Variants in ZC3H13 observed in about 807,000 individuals in gnomAD.
ZC3H13 encodes the protein zinc finger CCCH domain-containing protein 13.
A neutral mutation model predicts 204.1 loss-of-function variants in ZC3H13; 64 were observed. That is an observed-to-expected ratio of 0.31 (90% CI 0.26 to 0.39). The LOEUF (loss-of-function observed/expected upper bound fraction) is 0.39, where lower values mean the gene tolerates loss of function less well. Among genes scored for constraint, ZC3H13 ranks in the 10% least tolerant of loss-of-function variants. ZC3H13 has a pLI of 1.00. For missense variants in ZC3H13, 1,833 were observed against 2,082.7 expected (o/e 0.88, Z 2.33); for synonymous variants, 667 against 693.7 (o/e 0.96, Z 0.60).
intron 5 of ZC3H13, among the ~76,000 whole-genome samples, chr13:46,013,539 A>T (rs2041715915): frequency 6.6e-6 from 1 of 152,130 alleles, no homozygotes; most frequent in Non-Finnish European, 1.5e-5. Flanking sequence ...TATAATAAAA[A>T]CTCAGATATT....
At chr13:46,012,529 C>T (rs1046390528) in intron 5 of ZC3H13, among the ~76,000 whole-genome samples, 3 of 152,140 alleles carry the variant, frequency 2.0e-5, no homozygotes, top group Non-Finnish European at 2.9e-5. Context: ...ATGAACATCA[C>T]TGTTATATAT....
Position 45,963,910 on chromosome 13 carries a change from T to A in ZC3H13, c.4607A>T (p.Lys1536Met), listed in dbSNP as rs772643298. ...AVMLRVGISK[K>M]LAGSELFAKV... ...GGCAAAGAGTTCAGAACCTGCCAACTTTTTAGAAATCCCAACTCTTAGCAT... is the reference window on the plus strand; with the variant it reads ...GGCAAAGAGTTCAGAACCTGCCAACATTTTAGAAATCCCAACTCTTAGCAT... Residue 1536 changes from lysine to methionine, a missense_variant, in exon 17 of 19, where the codon AAG (lysine) becomes ATG (methionine). Physicochemically the swap from Lys to Met is moderately conservative, Grantham distance 95. Transcript: ENST00000679008. 3.1e-6 allele frequency: 5 copies of A among 1,614,126 alleles called. No individual in the cohort carries two copies. The highest frequency in any genetic ancestry group is 4.2e-6 in the Non-Finnish European group (5 of 1,179,998).
chr13:46,046,629 C>T (rs2043985076), intron 1 of ZC3H13, among the ~76,000 whole-genome samples: 2 of 151,260 alleles, frequency 1.3e-5, no homozygotes, highest in African/African-American at 4.9e-5. Flanking sequence ...GATCACACCA[C>T]CGCACTCCAG....
chr13:45,979,568 C>T (rs1407964418), intron 11 of ZC3H13, among the ~76,000 whole-genome samples: 1 of 152,086 alleles, frequency 6.6e-6, no homozygotes, highest in Non-Finnish European at 1.5e-5. Context: ...AGATGAGAAA[C>T]ACACAGTAGG....
At chr13:46,039,477 A>G (rs2043424813) in intron 4 of ZC3H13, among the ~76,000 whole-genome samples, 1 of 152,268 alleles carries the variant, frequency 6.6e-6, no homozygotes, top group Non-Finnish European at 1.5e-5. Context: ...CAACATGGAC[A>G]GCCTGCATTT....
rs1420333136 is a variant in ZC3H13 at position 45,955,492 on chromosome 13, G to T, written c.*1635C>A. 1 of 152,122 alleles carries T rather than the reference G, an allele frequency of 6.6e-6. No individual in the cohort carries two copies. Among genetic ancestry groups the T allele is most frequent in the African/African-American group, 2.4e-5 (1 of 41,420 alleles). 9.4% of individuals were successfully genotyped at this position (152,122 alleles called of 1,614,324 possible). A position where few individuals can be genotyped will look rare whatever the true frequency, so the allele number is the denominator to read the frequency against. ...TTTTCATTCTATAAATAAATAACTT[G>T]TGAAATATCCCTGAAGTCAGTGGAC... On this transcript the variant is annotated 3_prime_UTR_variant, in exon 19 of 19. Coordinates refer to ENST00000679008, the MANE Select transcript of ZC3H13 (RefSeq NM_001330564.2).
At chr13:45,999,315 A>T (rs1028355597) in intron 8 of ZC3H13, among the ~76,000 whole-genome samples, 2 of 152,298 alleles carry the variant, frequency 1.3e-5, no homozygotes, top group South Asian at 2.1e-4. Flanking sequence ...ACACATACAC[A>T]AAAAACAAAC....
chr13:45,981,313 C>T (rs1216473983), intron 10 of ZC3H13, among the ~76,000 whole-genome samples: 1 of 152,158 alleles, frequency 6.6e-6, no homozygotes, highest in Admixed American at 6.5e-5. Context: ...AGGACATGAA[C>T]TCATCATTTT....
Position 45,985,630 on chromosome 13 carries a change from C to T in ZC3H13, c.1387G>A (p.Asp463Asn). 6.2e-7 allele frequency: 1 copy of T among 1,613,948 alleles called. No homozygotes were observed. Among genetic ancestry groups the T allele is most frequent in the Non-Finnish European group, 8.5e-7 (1 of 1,179,990 alleles). ...CTTAGTTCCCTTCGGTCCCTAGTAT[C>T]TCTGGCATCTCTCCGATCCCGACCA... ...RDGRDRRDAR[D>N]TRDRRELRDS... Residue 463 changes from aspartate (D) to asparagine (N), a missense_variant, in exon 10 of 19, where the codon GAT (aspartate) becomes AAT (asparagine). Physicochemically the swap from Asp to Asn is conservative, Grantham distance 23 (BLOSUM62 1). Coordinates refer to ENST00000679008, the MANE Select transcript of ZC3H13 (RefSeq NM_001330564.2).
intron 8 of ZC3H13, among the ~76,000 whole-genome samples, chr13:45,997,797 T>C (rs977878443): frequency 6.6e-6 from 1 of 151,826 alleles, no homozygotes; most frequent in African/African-American, 2.4e-5. Context: ...ACCGCTTATA[T>C]CCAGTAAGCC....
chr13:46,037,560 T>C (rs7328081), intron 4 of ZC3H13, among the ~76,000 whole-genome samples: 113,704 of 152,158 alleles, frequency 0.75, 42,923 homozygotes, highest in African/African-American at 0.85. Flanking sequence ...CTCTGCAATA[T>C]AAAATGAAAA....
chr13:46,029,521 C>A (rs561852110), intron 4 of ZC3H13, among the ~76,000 whole-genome samples: 11 of 150,788 alleles, frequency 7.3e-5, no homozygotes, highest in Admixed American at 6.6e-4. Flanking sequence ...CTCCGCCTCC[C>A]GGGTTCACGC....
At chr13:46,034,791 C>T (rs2043110827) in intron 4 of ZC3H13, among the ~76,000 whole-genome samples, 6 of 151,812 alleles carry the variant, frequency 4.0e-5, no homozygotes. Flanking sequence ...CAAAGATCAC[C>T]CACAAGCTAA....
At chr13:46,045,085 T>C (rs759819457) in intron 2 of ZC3H13, 21 bp from the exon 3 acceptor site, 6 of 1,559,236 alleles carry the variant, frequency 3.8e-6, no homozygotes, top group Admixed American at 4.1e-5. Context: ...GATATTACTA[T>C]GTAAATTTCA....
intron 1 of ZC3H13, among the ~76,000 whole-genome samples, chr13:46,046,862 A>G (rs1329201614): frequency 6.6e-6 from 1 of 152,204 alleles, no homozygotes; most frequent in Non-Finnish European, 1.5e-5. Flanking sequence ...AATCCAGAGC[A>G]TACACTACTG....
chr13:46,045,629 T>C, intron 1 of ZC3H13, 113 bp from the exon 2 acceptor site: 1 of 739,522 alleles, frequency 1.4e-6, no homozygotes, highest in Non-Finnish European at 2.3e-6. Context: ...TTACAGGAGA[T>C]TTTCCTTGGG....
intron 7 of ZC3H13, 150 bp from the exon 8 acceptor site, chr13:46,003,486 A>T: frequency 1.5e-6 from 1 of 656,498 alleles, no homozygotes; most frequent in Non-Finnish European, 2.5e-6. Flanking sequence ...AAAAAAAACT[A>T]ACAGAAATGG....
intron 14 of ZC3H13, 131 bp downstream of exon 14, chr13:45,968,617 T>C (rs1952293621): frequency 8.0e-7 from 1 of 1,243,706 alleles, no homozygotes; most frequent in Admixed American, 3.1e-5. Context: ...AGCTAAACTT[T>C]TCTTTAAAAA....
intron 17 of ZC3H13, among the ~76,000 whole-genome samples, chr13:45,960,803 C>T (rs1295458662): frequency 1.3e-5 from 2 of 152,146 alleles, no homozygotes; most frequent in Non-Finnish European, 1.5e-5. Context: ...AAGCAGTAAA[C>T]GCCTGGGTAA....
Sources: gnomAD v4.1 joint callset for allele counts (sites outside exome capture counted in the v4.1 genomes callset) on GRCh38, gnomAD v4.1.1 for gene constraint, MANE v1.5 for transcripts, NCBI Gene and HGNC (gene_info 2026-07-23, HGNC 2026-07-21) for gene names.